Variants in KCNJ15 observed in about 807,000 individuals in gnomAD.
KCNJ15 encodes potassium inwardly rectifying channel subfamily J member 15.
In KCNJ15, 14 loss-of-function variants were observed where a neutral mutation model predicts 23.0. That is an observed-to-expected ratio of 0.61 (90% CI 0.40 to 0.95). KCNJ15 has a LOEUF of 0.95. KCNJ15 is among the 40% of genes least tolerant of loss of function. The pLI is 0.00. For synonymous variants in KCNJ15, 185 were observed against 183.2 expected (o/e 1.01, Z -0.08); for missense variants, 388 against 461.8 (o/e 0.84, Z 1.46).
At chr21:38,248,024 T>C (rs2037729683) in intron 1 of KCNJ15, among the ~76,000 whole-genome samples, 1 of 152,236 alleles carries the variant, frequency 6.6e-6, no homozygotes, top group South Asian at 2.1e-4. Flanking sequence ...GTTCACTCCA[T>C]CCAGGTGCAT....
chr21:38,263,818 C>T (rs1196453455), intron 1 of KCNJ15, among the ~76,000 whole-genome samples: 1 of 152,074 alleles, frequency 6.6e-6, no homozygotes, highest in East Asian at 1.9e-4. Flanking sequence ...TTACAGTCAG[C>T]CCCAAAGAAT....
intron 1 of KCNJ15, among the ~76,000 whole-genome samples, chr21:38,279,837 A>G (rs950770745): frequency 2.0e-5 from 3 of 152,178 alleles, no homozygotes; most frequent in Non-Finnish European, 4.4e-5. Context: ...GGGTTTTATT[A>G]CCAATGAATG....
At chr21:38,238,525 G>A (rs534017867) in intron 1 of KCNJ15, 55 of 640,358 alleles carry the variant, frequency 8.6e-5, no homozygotes, top group South Asian at 7.3e-4. Flanking sequence ...GACCATCTCC[G>A]GCAATGCCAC....
chr21:38,288,030 GTTTTTTTTTTTTTTTT>G (rs71184612), intron 1 of KCNJ15, among the ~76,000 whole-genome samples: 5 of 81,424 alleles, frequency 6.1e-5, no homozygotes, highest in Non-Finnish European at 1.1e-4. Flanking sequence ...TTTTTTCTTT[GTTTTTTTTTTTTTTTT>G]TTTTTTTTTT....
intron 1 of KCNJ15, among the ~76,000 whole-genome samples, chr21:38,264,626 A>G (rs1981273039): frequency 6.6e-6 from 1 of 152,242 alleles, no homozygotes; most frequent in African/African-American, 2.4e-5. Flanking sequence ...ACTTACATCT[A>G]CCTCATCCTG....
At position 38,305,592 on chromosome 21, in the gene KCNJ15, T is replaced by A. The variant is rs1986029772; in HGVS notation, c.*5203T>A. 1 of 152,250 alleles carries A rather than the reference T, an allele frequency of 6.6e-6. No homozygotes were observed. Among genetic ancestry groups the A allele is most frequent in the Non-Finnish European group, 1.5e-5 (1 of 68,044 alleles). The allele number at this position is 152,250 out of a possible 1,614,324, so 9.4% of individuals were successfully genotyped here. ...TGCCAGGCACTCTGTATGTGCAGAA[T>A]ATGTCCTATATGGAGTAATTTTTTA... On this transcript the variant is annotated 3_prime_UTR_variant, in exon 3 of 3. Transcript: ENST00000398938.
intron 1 of KCNJ15, among the ~76,000 whole-genome samples, chr21:38,264,543 A>G (rs1981261568): frequency 6.6e-6 from 1 of 152,264 alleles, no homozygotes; most frequent in South Asian, 2.1e-4. Context: ...TTCAAGCAAT[A>G]TGTATTGAAT....
At position 38,280,051 on chromosome 21, in the gene KCNJ15, T is replaced by C. The variant is rs188812941; in HGVS notation, c.-116-16875T>C. 8.5e-4 allele frequency among the ~76,000 whole-genome samples: 130 copies of C among 152,256 alleles called. 1 individual carries two copies. The highest frequency in any genetic ancestry group is 8.4e-3 in the Admixed American group (128 of 15,298). On this transcript the variant is annotated intron_variant, in intron 1 of 2. Transcript: ENST00000398938. ...CCTCAAGTGGCAATTTTAAGGGTCT[T>C]CATCCTGCCTCATTGGCTTTAATCC...
upstream of KCNJ15, among the ~76,000 whole-genome samples, chr21:38,254,057 C>G (rs1000552843): frequency 6.6e-6 from 1 of 152,134 alleles, no homozygotes; most frequent in Non-Finnish European, 1.5e-5. Context: ...AATTGTGAAA[C>G]AAATTTTACT....
chr21:38,242,733 A>G (rs914080596), intron 1 of KCNJ15, among the ~76,000 whole-genome samples: 10 of 152,112 alleles, frequency 6.6e-5, no homozygotes, highest in African/African-American at 1.9e-4. Context: ...CAGCAGCCTC[A>G]TCAGGGACAC....
intron 1 of KCNJ15, among the ~76,000 whole-genome samples, chr21:38,260,581 C>A (rs186235624): frequency 1.3e-3 from 201 of 152,292 alleles, no homozygotes; most frequent in Middle Eastern, 3.4e-3. Context: ...CACAAGCACA[C>A]AATTCCAGAT....
intron 1 of KCNJ15, among the ~76,000 whole-genome samples, chr21:38,244,177 G>A (rs956363054): frequency 6.6e-6 from 1 of 151,918 alleles, no homozygotes; most frequent in South Asian, 2.1e-4. Flanking sequence ...AGACAAAGCC[G>A]CTAGTGACTG....
chr21:38,253,441 G>A (rs1183499598), upstream of KCNJ15, among the ~76,000 whole-genome samples: 5 of 152,250 alleles, frequency 3.3e-5, no homozygotes, highest in Admixed American at 2.6e-4. Flanking sequence ...CTAGGATAAG[G>A]ATGGTGAGAA....
intron 1 of KCNJ15, among the ~76,000 whole-genome samples, chr21:38,293,177 T>G (rs1411279458): frequency 6.6e-6 from 1 of 152,164 alleles, no homozygotes; most frequent in African/African-American, 2.4e-5. Flanking sequence ...CACCTGTGTT[T>G]CAAGTCAGCT....
chr21:38,279,799 A>G lies in KCNJ15; in HGVS notation c.-116-17127A>G, dbSNP rs551161582. 8.5e-5 allele frequency among the ~76,000 whole-genome samples: 13 copies of G among 152,294 alleles called. 1 individual carries two copies. The South Asian group carries it at 2.7e-3, about 32-fold the overall frequency. ...CATTGTCTCTCCTCTCAACCCCAAG[A>G]CAAGCATTTTGATCTCTTTAACTCC... On this transcript the variant is annotated intron_variant, in intron 1 of 2. Coordinates refer to ENST00000398938, the MANE Select transcript of KCNJ15 (RefSeq NM_170736.3).
upstream of KCNJ15, among the ~76,000 whole-genome samples, chr21:38,255,738 C>T (rs1212108037): frequency 2.0e-5 from 3 of 152,188 alleles, no homozygotes; most frequent in Non-Finnish European, 2.9e-5. Context: ...CTTCCAGCTC[C>T]CACTTAGTTC....
intron 1 of KCNJ15, among the ~76,000 whole-genome samples, chr21:38,289,262 A>G (rs911333613): frequency 5.9e-5 from 9 of 152,182 alleles, no homozygotes; most frequent in East Asian, 3.9e-4. Flanking sequence ...GCAAAAACAG[A>G]AGCCTTCCAC....
intron 1 of KCNJ15, among the ~76,000 whole-genome samples, chr21:38,274,255 T>A (rs1334695818): frequency 6.6e-6 from 1 of 152,234 alleles, no homozygotes; most frequent in East Asian, 1.9e-4. Flanking sequence ...TCTTCATCTC[T>A]TGTTGCCTCT....
intron 1 of KCNJ15, among the ~76,000 whole-genome samples, chr21:38,295,016 C>T (rs1984998383): frequency 6.6e-6 from 1 of 152,246 alleles, no homozygotes; most frequent in Middle Eastern, 3.4e-3. Context: ...TTAAAGAAAA[C>T]TGTTAATGGT....
Sources: allele counts gnomAD v4.1 joint callset (sites outside exome capture counted in the v4.1 genomes callset), GRCh38; gene constraint gnomAD v4.1.1; transcripts MANE v1.5; gene names NCBI Gene and HGNC (gene_info 2026-07-23, HGNC 2026-07-21).